The following CCSER1 variants were observed in gnomAD, a reference collection of about 807,000 sequenced individuals.
CCSER1 encodes coiled-coil serine rich protein 1.
A neutral mutation model predicts 82.0 loss-of-function variants in CCSER1; 41 were observed. That is an observed-to-expected ratio of 0.50 (90% CI 0.39 to 0.65). The LOEUF is 0.65. CCSER1 is among the 30% of genes least tolerant of loss of function. CCSER1 has a pLI of 0.00. For missense variants in CCSER1, 1,119 were observed against 1,064.2 expected, an observed-to-expected ratio of 1.05 and a Z score of -0.72; for synonymous variants, 414 against 383.9, an observed-to-expected ratio of 1.08 and a Z score of -0.92.
At chr4:90,810,542 G>A (rs945143904) in intron 7 of CCSER1, among the ~76,000 whole-genome samples, 2 of 151,784 alleles carry the variant, frequency 1.3e-5, no homozygotes, top group Non-Finnish European at 2.9e-5. Flanking sequence ...CCAGCTACTC[G>A]GGAGGCTGAG....
intron 10 of CCSER1, among the ~76,000 whole-genome samples, chr4:91,517,280 C>T (rs1007309023): frequency 6.6e-6 from 1 of 152,132 alleles, no homozygotes; most frequent in Non-Finnish European, 1.5e-5. Context: ...TGCAAGTTTT[C>T]AAAAAGAATG....
intron 9 of CCSER1, among the ~76,000 whole-genome samples, chr4:91,041,973 C>T (rs1479556265): frequency 1.3e-5 from 2 of 152,148 alleles, no homozygotes; most frequent in Admixed American, 6.5e-5. Context: ...TGAAACTATC[C>T]ATGGTCTTCC....
Position 90,629,085 on chromosome 4 carries a change from ATAT to A in CCSER1, c.1932+861_1932+863del, listed in dbSNP as rs1320143270. ...AGATATTAATAAAGAATTGAGAAAA[ATAT>A]TATTATTTAGAATTAATGGTCCCTA... is the stretch of plus-strand genomic sequence containing the variant. On this transcript the variant is annotated intron_variant, in intron 6 of 10. Coordinates refer to ENST00000509176, the MANE Select transcript of CCSER1 (RefSeq NM_001145065.2). Among the ~76,000 whole-genome samples, 14 of 152,140 alleles carry A rather than the reference ATAT, an allele frequency of 9.2e-5. 1 individual carries two copies. The highest frequency in any genetic ancestry group is 9.2e-4 in the Admixed American group (14 of 15,270).
At chr4:90,664,772 TGCC>T (rs1242257898) in intron 6 of CCSER1, among the ~76,000 whole-genome samples, 1 of 152,076 alleles carries the variant, frequency 6.6e-6, no homozygotes, top group Non-Finnish European at 1.5e-5. Flanking sequence ...TGGTGGCACA[TGCC>T]TGTAATCCCA....
At chr4:90,893,542 C>T (rs1327649795) in intron 8 of CCSER1, among the ~76,000 whole-genome samples, 1 of 152,052 alleles carries the variant, frequency 6.6e-6, no homozygotes, top group Non-Finnish European at 1.5e-5. Flanking sequence ...TTTAAACTGT[C>T]CTTCCGATGC....
chr4:91,213,778 C>A (rs1394306148), intron 10 of CCSER1, among the ~76,000 whole-genome samples: 1 of 152,094 alleles, frequency 6.6e-6, no homozygotes, highest in East Asian at 1.9e-4. Flanking sequence ...AGTTTCTAAA[C>A]CTGATGTTGA....
At chr4:91,036,103 T>A (rs1581392195) in intron 9 of CCSER1, among the ~76,000 whole-genome samples, 1 of 152,282 alleles carries the variant, frequency 6.6e-6, no homozygotes, top group Non-Finnish European at 1.5e-5. Flanking sequence ...AAAGATTCAA[T>A]AATCACTGAT....
intron 10 of CCSER1, among the ~76,000 whole-genome samples, chr4:91,387,374 G>T (rs1484958348): frequency 6.6e-6 from 1 of 151,790 alleles, no homozygotes; most frequent in Non-Finnish European, 1.5e-5. Flanking sequence ...TTAAAAATTA[G>T]ATTTCTGTCA....
chr4:90,275,095 G>C (rs1465339444), intron 1 of CCSER1, among the ~76,000 whole-genome samples: 1 of 152,078 alleles, frequency 6.6e-6, no homozygotes, highest in Non-Finnish European at 1.5e-5. Flanking sequence ...TTGCTATGGT[G>C]ACAAAGAAGT....
At chr4:90,916,033 G>C (rs1162384228) in intron 8 of CCSER1, among the ~76,000 whole-genome samples, 2 of 152,004 alleles carry the variant, frequency 1.3e-5, no homozygotes, top group African/African-American at 4.8e-5. Context: ...ACAAATGGAA[G>C]AACATTCCAT....
intron 3 of CCSER1, among the ~76,000 whole-genome samples, chr4:90,328,914 TA>T (rs1183980032): frequency 3.3e-5 from 5 of 152,176 alleles, no homozygotes; most frequent in East Asian, 3.9e-4. Context: ...TGTCTAAAAA[TA>T]AAAAAAGTAA....
intron 5 of CCSER1, among the ~76,000 whole-genome samples, chr4:90,585,714 C>T (rs147346938): frequency 5.3e-5 from 8 of 151,930 alleles, no homozygotes; most frequent in African/African-American, 1.9e-4. Context: ...AAGTAACATA[C>T]GGGTGTGTGA....
intron 8 of CCSER1, among the ~76,000 whole-genome samples, chr4:90,921,141 A>T (rs973004656): frequency 6.6e-6 from 1 of 151,784 alleles, no homozygotes; most frequent in East Asian, 1.9e-4. Flanking sequence ...AAATTTATCA[A>T]TTTATAAATT....
chr4:90,195,478 A>G (rs898637138), intron 1 of CCSER1, among the ~76,000 whole-genome samples: 13 of 152,124 alleles, frequency 8.5e-5, no homozygotes, highest in African/African-American at 3.1e-4. Flanking sequence ...GGGTGAGTAC[A>G]GAGTATTTTT....
At chr4:91,432,848 G>C (rs1199411546) in intron 10 of CCSER1, among the ~76,000 whole-genome samples, 2 of 152,036 alleles carry the variant, frequency 1.3e-5, no homozygotes, top group Non-Finnish European at 2.9e-5. Context: ...TGTTATTTAA[G>C]TTATATTTTG....
At chr4:90,434,927 A>T (rs1758801973) in intron 4 of CCSER1, among the ~76,000 whole-genome samples, 1 of 152,154 alleles carries the variant, frequency 6.6e-6, no homozygotes. Flanking sequence ...ATATCGGACA[A>T]CAATGTGGTT....
chr4:91,595,896 A>G (rs1410015599), intron 10 of CCSER1, among the ~76,000 whole-genome samples: 1 of 140,120 alleles, frequency 7.1e-6, no homozygotes, highest in East Asian at 2.4e-4. Flanking sequence ...GCAATCTCCT[A>G]TGTCCACTAT....
chr4:91,268,682 T>C lies in CCSER1; in HGVS notation c.2217+182688T>C, dbSNP rs182689076. ...GGGAGATAGGGGTGGGGCTGTTTTA[T>C]AGGATTTGGGTGGGTAGTGGAAAAT... On this transcript the variant is annotated intron_variant, in intron 10 of 10. Coordinates refer to ENST00000509176, the MANE Select transcript of CCSER1 (RefSeq NM_001145065.2). Among the ~76,000 whole-genome samples, 40 of 152,192 alleles carry C rather than the reference T, an allele frequency of 2.6e-4. No individual in the cohort carries two copies. The East Asian group carries it at 7.7e-3, about 29-fold the overall frequency.
At chr4:90,266,567 G>C (rs1725268763) in intron 1 of CCSER1, among the ~76,000 whole-genome samples, 2 of 152,094 alleles carry the variant, frequency 1.3e-5, no homozygotes, top group African/African-American at 4.8e-5. Context: ...AGGCACTGAA[G>C]ATGGTAGGAA....
Sources: gnomAD v4.1 joint callset for allele counts (sites outside exome capture counted in the v4.1 genomes callset) on GRCh38, gnomAD v4.1.1 for gene constraint, MANE v1.5 for transcripts, NCBI Gene and HGNC (gene_info 2026-07-23, HGNC 2026-07-21) for gene names.